The following SPEG variants were observed in gnomAD, a reference collection of about 807,000 sequenced individuals.
SPEG encodes the protein striated muscle enriched protein kinase.
Under a neutral mutation model 300.4 loss-of-function variants are expected in SPEG, and 114 were observed. That is an observed-to-expected ratio of 0.38 (90% CI 0.33 to 0.44). The LOEUF (loss-of-function observed/expected upper bound fraction) is 0.44, where lower values mean the gene tolerates loss of function less well. Among genes scored for constraint, SPEG ranks in the 20% least tolerant of loss-of-function variants. SPEG has a pLI of 1.00. For synonymous variants in SPEG, 1,964 were observed against 2,018.9 expected (o/e 0.97, Z 0.73); for missense variants, 4,201 against 4,586.2 (o/e 0.92, Z 2.43).
At chr2:219,441,517 CAG>C (rs1688914292) in intron 1 of SPEG, 1 of 470,292 alleles carries the variant, frequency 2.1e-6, no homozygotes, top group Non-Finnish European at 4.4e-6. Context: ...CTGCCTGGCA[CAG>C]TGTGTGTGCG....
At chr2:219,460,500 C>T in intron 6 of SPEG, 2 of 985,454 alleles carry the variant, frequency 2.0e-6, no homozygotes, top group Non-Finnish European at 2.4e-6. Flanking sequence ...CAGTGCCACC[C>T]CTCCCCTGTC....
At chr2:219,456,515 G>A (rs925214470) in intron 6 of SPEG, among the ~76,000 whole-genome samples, 1 of 152,176 alleles carries the variant, frequency 6.6e-6, no homozygotes, top group Non-Finnish European at 1.5e-5. Context: ...TACCTAGAAC[G>A]GGGGCCATCA....
In SPEG at chr2:219,472,995, T is replaced by G. The variant is rs1228469213; in HGVS notation, c.4046T>G (p.Leu1349Arg). 1 of 1,613,930 alleles carries G rather than the reference T, an allele frequency of 6.2e-7. No homozygotes were observed. The highest frequency in any genetic ancestry group is 1.1e-5 in the South Asian group (1 of 91,082). Residue 1349 changes from leucine to arginine, a missense_variant, in exon 16 of 41, where the codon CTG becomes CGG. This residue lies in a region of SPEG where 1,047 missense variants were observed against 1,356.8 expected (regional missense o/e 0.77). Coordinates refer to ENST00000312358, the MANE Select transcript of SPEG (RefSeq NM_005876.5). ...LREPGWAATGLRKGVQHIFRV... is the reference protein window; with the variant it reads ...LREPGWAATGRRKGVQHIFRV... ...GAGCCAGGGTGGGCAGCCACAGGGC[T>G]GCGTAAGGGGGTCCAGCACATCTTC...
At chr2:219,478,203 TCC>T in intron 22 of SPEG, 98 bp downstream of exon 22, 1 of 1,073,962 alleles carries the variant, frequency 9.3e-7, no homozygotes, top group South Asian at 1.5e-5. Context: ...TACAAAGTAG[TCC>T]CAATTGACAA....
Position 219,444,518 on chromosome 2 carries a change from C to A in SPEG, c.389-135C>A. On this transcript the variant is annotated intron_variant, in intron 1 of 40. Transcript: ENST00000312358. This position sits in a 1 kb window ranked among gnomAD's most constrained non-coding sequence, Gnocchi z 7.8. The stretch of plus-strand genomic sequence containing the variant: ...CAGGCTGGGCAGGGGATGTGGGGAG[C>A]AAAAGAGAGGAGGTGCTGGCAGCCC... The A allele has an allele frequency of 1.4e-6, 1 of 725,540 alleles. No individual in the cohort carries two copies. 44.9% of individuals were successfully genotyped at this position (725,540 alleles called of 1,614,324 possible).
chr2:219,477,891 C>T lies in SPEG; in HGVS notation c.4827-14C>T, dbSNP rs1244956679. 6.2e-7 allele frequency: 1 copy of T among 1,612,830 alleles called. No homozygotes were observed. The highest frequency in any genetic ancestry group is 1.3e-5 in the African/African-American group (1 of 74,908). On this transcript the variant is annotated splice_polypyrimidine_tract_variant and intron_variant, in intron 21 of 40. Coordinates refer to ENST00000312358, the MANE Select transcript of SPEG (RefSeq NM_005876.5). The surrounding 1 kb of genome is among the most constrained non-coding windows in gnomAD (Gnocchi z 6.4). ...GTGATGGCTGATCTCTGACCCCCTC[C>T]CTGTGTCAACCAGGGGTGCTTTCTC...
At chr2:219,455,153 C>T (rs1351889299) in intron 6 of SPEG, among the ~76,000 whole-genome samples, 1 of 152,118 alleles carries the variant, frequency 6.6e-6, no homozygotes, top group Non-Finnish European at 1.5e-5. Flanking sequence ...TTATTGAGTG[C>T]TTCATATATA....
Position 219,464,503 on chromosome 2 carries a change from C to T in SPEG, c.2776C>T (p.Arg926Trp), listed in dbSNP as rs763189226. Residue 926 changes from arginine (R) to tryptophan (W), a missense_variant, in exon 9 of 41, where the codon CGG becomes TGG. Coordinates refer to ENST00000312358, the MANE Select transcript of SPEG (RefSeq NM_005876.5). This position sits in a 1 kb window ranked among gnomAD's most constrained non-coding sequence, Gnocchi z 4.5. ...GGAGGAGGCTGAGGGTGGGCTGTGCCGGCTGCGGATCCTGGCTGCAGAGCG... is the reference window on the plus strand; with the variant it reads ...GGAGGAGGCTGAGGGTGGGCTGTGCTGGCTGCGGATCCTGGCTGCAGAGCG... The part of the protein sequence containing the change: ...FAEEAEGGLC[R>W]LRILAAERGD... 22 of 1,613,958 alleles carry T rather than the reference C, an allele frequency of 1.4e-5. No homozygotes were observed. The highest frequency in any genetic ancestry group is 1.6e-4 in the Middle Eastern group (1 of 6,084).
rs765716715 is a variant in SPEG, at chr2:219,451,609, C to T, written c.2258-16C>T. Reference sequence around the variant, plus strand: ...CTGTGGGCCGTGGCGAGCCGGGTCCCTGTGCCTCCCCACAGTGTCCTGGCA... The same window carrying T: ...CTGTGGGCCGTGGCGAGCCGGGTCCTTGTGCCTCCCCACAGTGTCCTGGCA... On this transcript the variant is annotated splice_polypyrimidine_tract_variant and intron_variant, in intron 5 of 40. Transcript: ENST00000312358. The surrounding 1 kb of genome is among the most constrained non-coding windows in gnomAD (Gnocchi z 6.4). 2.0e-6 allele frequency: 3 copies of T among 1,519,758 alleles called. No homozygotes were observed. The highest frequency in any genetic ancestry group is 2.6e-6 in the Non-Finnish European group (3 of 1,134,128). 94.1% of individuals were successfully genotyped at this position (1,519,758 alleles called of 1,614,324 possible).
intron 9 of SPEG, chr2:219,466,327 G>A (rs900599500): frequency 1.4e-5 from 20 of 1,409,056 alleles, no homozygotes; most frequent in South Asian, 7.9e-5. Flanking sequence ...GGGAAGGGGC[G>A]GCTGCGAGGG....
intron 13 of SPEG, among the ~76,000 whole-genome samples, chr2:219,470,304 C>T (rs1219966997): frequency 2.3e-5 from 2 of 87,656 alleles, no homozygotes; most frequent in Non-Finnish European, 4.2e-5. Context: ...CCCTGGTGCC[C>T]AGCTCTTAAC....
rs1693042212 is a variant in SPEG, at chr2:219,483,317, G to A, written c.5854G>A (p.Asp1952Asn). 2 of 1,606,666 alleles carry A rather than the reference G, an allele frequency of 1.2e-6. No homozygotes were observed. The highest frequency in any genetic ancestry group is 1.3e-5 in the African/African-American group (1 of 74,798). Reference sequence around the variant, plus strand: ...CTCTGGCTCCCGGGTGTCCCTCACAGACATTCCCACTGAGGATGAGGCCCT... The same window carrying A: ...CTCTGGCTCCCGGGTGTCCCTCACAAACATTCCCACTGAGGATGAGGCCCT... Reference protein sequence around the residue: ...EFSGSRVSLTDIPTEDEALGT... With the variant: ...EFSGSRVSLTNIPTEDEALGT... Residue 1952 changes from aspartate (D) to asparagine (N), a missense_variant, in exon 30 of 41, where the codon GAC becomes AAC. Asp to Asn is a conservative substitution (Grantham distance 23, BLOSUM62 1). Coordinates refer to ENST00000312358, the MANE Select transcript of SPEG (RefSeq NM_005876.5).
chr2:219,466,296 CCCA>C, intron 9 of SPEG: 1 of 1,420,812 alleles, frequency 7.0e-7, no homozygotes, highest in Non-Finnish European at 9.1e-7. Context: ...GGCCAGGAGG[CCCA>C]CAGATGGACT....
In SPEG at chr2:219,477,485, CT is replaced by C; in HGVS notation, c.4729+41del. 6.6e-7 allele frequency: 1 copy of C among 1,524,324 alleles called. No homozygotes were observed. The allele number at this position is 1,524,324 out of a possible 1,614,324, so 94.4% of individuals were successfully genotyped here. A position where few individuals can be genotyped will look rare whatever the true frequency, so the allele number is the denominator to read the frequency against. The stretch of plus-strand genomic sequence containing the variant: ...CGGAGAAAGGTAAAGCGCACACCCC[CT>C]GGAATCTGATGTGACCCTCCATGCT... On this transcript the variant is annotated intron_variant, in intron 20 of 40. Coordinates refer to ENST00000312358, the MANE Select transcript of SPEG (RefSeq NM_005876.5). The surrounding 1 kb of genome is among the most constrained non-coding windows in gnomAD (Gnocchi z 6.4).
intron 13 of SPEG, among the ~76,000 whole-genome samples, chr2:219,470,285 AC>A (rs1691751299): frequency 7.0e-6 from 1 of 143,074 alleles, no homozygotes; most frequent in South Asian, 2.1e-4. Context: ...GCAAGAAAGG[AC>A]TGTCTGACCC....
chr2:219,481,236 C>T lies in SPEG; in HGVS notation c.5370-68C>T. 6 of 1,535,072 alleles carry T rather than the reference C, an allele frequency of 3.9e-6. No homozygotes were observed. Among genetic ancestry groups the T allele is most frequent in the Non-Finnish European group, 5.4e-6 (6 of 1,120,232 alleles). On this transcript the variant is annotated intron_variant, in intron 26 of 40. Coordinates refer to ENST00000312358, the MANE Select transcript of SPEG (RefSeq NM_005876.5). The surrounding 1 kb of genome is among the most constrained non-coding windows in gnomAD (Gnocchi z 5.4). The stretch of plus-strand genomic sequence containing the variant: ...CCAGAGCCTCCATCTGTCCCCAGCC[C>T]TGTGCCCCCACTGACATTCCCCTTT...
In SPEG at chr2:219,444,382, A is replaced by G. The variant is rs892273111; in HGVS notation, c.389-271A>G. Among the ~76,000 whole-genome samples the G allele has an allele frequency of 7.2e-5, 11 of 152,082 alleles. No individual in the cohort carries two copies. The highest frequency in any genetic ancestry group is 1.3e-4 in the Non-Finnish European group (9 of 67,996). ...TCTGATAATCCATTAAGATATTGGC[A>G]GGCGGGGAGGGGGTGGCAGTTTGGA... On this transcript the variant is annotated intron_variant, in intron 1 of 40. Coordinates refer to ENST00000312358, the MANE Select transcript of SPEG (RefSeq NM_005876.5). This position sits in a 1 kb window ranked among gnomAD's most constrained non-coding sequence, Gnocchi z 7.8.
chr2:219,460,809 G>A (rs991066286), intron 6 of SPEG: 13 of 986,220 alleles, frequency 1.3e-5, no homozygotes, highest in African/African-American at 1.2e-4. Flanking sequence ...CCTCCCCCAG[G>A]GCCTTCTCCG....
chr2:219,492,493 G>C, intron 40 of SPEG, 101 bp from the exon 41 acceptor site: 1 of 1,290,436 alleles, frequency 7.7e-7, no homozygotes, highest in Admixed American at 1.9e-5. Context: ...ACACATGTAG[G>C]GGTGGGATCC....
Sources: gnomAD v4.1 joint callset for allele counts (sites outside exome capture counted in the v4.1 genomes callset) on GRCh38, gnomAD v4.1.1 for gene constraint, gnomAD v4.1.1 regional missense constraint, Gnocchi (gnomAD v3.1) non-coding constraint, MANE v1.5 for transcripts, NCBI Gene and HGNC (gene_info 2026-07-23, HGNC 2026-07-21) for gene names.